NEDD4L: variants seen among roughly 807,000 people sequenced by gnomAD.
NEDD4L encodes E3 ubiquitin-protein ligase NEDD4-like.
In NEDD4L, 54 loss-of-function variants were observed where a neutral mutation model predicts 148.9. The ratio of observed to expected loss-of-function variants is 0.36; its 90% CI spans 0.29 to 0.45. NEDD4L has a LOEUF of 0.45. Among genes scored for constraint, NEDD4L ranks in the 20% least tolerant of loss-of-function variants. The probability of loss-of-function intolerance (pLI) is 1.00; values close to 1 mark genes in which losing one functional copy is unlikely to be tolerated. For missense variants in NEDD4L, 856 were observed against 1,233.8 expected (o/e 0.69, Z 4.59); for synonymous variants, 433 against 440.7 (o/e 0.98, Z 0.22).
At chr18:58,245,584 C>T (rs970451175) in intron 3 of NEDD4L, 76 bp downstream of exon 3, 12 of 728,844 alleles carry the variant, frequency 1.6e-5, no homozygotes, top group Middle Eastern at 2.5e-4. Context: ...TGCTGCTTAA[C>T]ACCTTTTTGG....
Position 58,141,492 on chromosome 18 carries a change from G to GT in NEDD4L, c.49-24288dup, listed in dbSNP as rs571537768. Among the ~76,000 whole-genome samples, 332 of 151,526 alleles carry GT rather than the reference G, an allele frequency of 2.2e-3. 1 individual carries two copies. Among genetic ancestry groups the GT allele is most frequent in the South Asian group, 8.4e-3 (40 of 4,772 alleles). On this transcript the variant is annotated intron_variant, in intron 1 of 30. Coordinates refer to ENST00000400345, the MANE Select transcript of NEDD4L (RefSeq NM_001144967.3). ...GAAAGACAATTTTTGGGTTTTTTTT[G>GT]TTTTTTTTAAAAAAACTTTATGTGT...
intron 5 of NEDD4L, among the ~76,000 whole-genome samples, chr18:58,294,563 T>C (rs1339000610): frequency 6.6e-6 from 1 of 152,262 alleles, no homozygotes; most frequent in African/African-American, 2.4e-5. Flanking sequence ...TGTTTTTCTG[T>C]GACATTCTCA....
intron 1 of NEDD4L, among the ~76,000 whole-genome samples, chr18:58,112,362 TTATTTATTTATTTA>T (rs1474383726): frequency 4.1e-4 from 3 of 7,298 alleles, no homozygotes; most frequent in Non-Finnish European, 8.1e-4. Context: ...CTATTTGTCT[TTATTTATTTATTTA>T]TTTATTTATT....
At chr18:58,259,640 C>T (rs2049081196) in intron 5 of NEDD4L, among the ~76,000 whole-genome samples, 1 of 152,178 alleles carries the variant, frequency 6.6e-6, no homozygotes, top group Non-Finnish European at 1.5e-5. Context: ...GTGTATATAA[C>T]ATTACACCCG....
chr18:58,131,976 C>T (rs1598998620), intron 1 of NEDD4L, among the ~76,000 whole-genome samples: 1 of 152,176 alleles, frequency 6.6e-6, no homozygotes, highest in Middle Eastern at 3.2e-3. Flanking sequence ...GATCAAACAT[C>T]CACTTTTTAC....
chr18:58,285,990 A>T (rs1412341432), intron 5 of NEDD4L, among the ~76,000 whole-genome samples: 1 of 152,212 alleles, frequency 6.6e-6, no homozygotes, highest in African/African-American at 2.4e-5. Flanking sequence ...AAGTAGCTAT[A>T]CACAATTGTC....
chr18:58,081,212 C>CTTTTTTT (rs34446805), intron 1 of NEDD4L, among the ~76,000 whole-genome samples: 2 of 120,832 alleles, frequency 1.7e-5, no homozygotes, highest in African/African-American at 3.9e-5. Flanking sequence ...GAACACCACC[C>CTTTTTTT]TTTTTTTTTT....
chr18:58,118,521 G>A (rs527964790), intron 1 of NEDD4L, among the ~76,000 whole-genome samples: 163 of 152,264 alleles, frequency 1.1e-3, no homozygotes, highest in South Asian at 3.5e-3. Context: ...AAAGAACTGC[G>A]CTGCTGCTTT....
chr18:58,081,640 C>T (rs1275497492), intron 1 of NEDD4L, among the ~76,000 whole-genome samples: 9 of 152,270 alleles, frequency 5.9e-5, no homozygotes, highest in Admixed American at 5.2e-4. Flanking sequence ...CACAGAATCT[C>T]GTATCTTTTC....
At chr18:58,198,630 A>G (rs906849033) in intron 2 of NEDD4L, among the ~76,000 whole-genome samples, 3 of 152,186 alleles carry the variant, frequency 2.0e-5, no homozygotes, top group African/African-American at 7.2e-5. Context: ...TTTGGCTGCT[A>G]GTTATAGAAT....
intron 10 of NEDD4L, 136 bp from the exon 11 acceptor site, chr18:58,330,602 G>C: frequency 1.8e-6 from 1 of 541,626 alleles, no homozygotes; most frequent in Non-Finnish European, 3.0e-6. Flanking sequence ...TGAAGGTTGT[G>C]TGCCTCATGA....
At chr18:58,325,530 G>A (rs1055501365) in intron 9 of NEDD4L, among the ~76,000 whole-genome samples, 10 of 152,090 alleles carry the variant, frequency 6.6e-5, no homozygotes, top group African/African-American at 1.9e-4. Flanking sequence ...GAACAGAACC[G>A]GCAAGCAAAT....
chr18:58,143,031 G>A (rs2033721340), intron 1 of NEDD4L, among the ~76,000 whole-genome samples: 1 of 152,184 alleles, frequency 6.6e-6, no homozygotes, highest in Non-Finnish European at 1.5e-5. Flanking sequence ...GAGCAGACAG[G>A]TGCCTGCTGC....
chr18:58,081,715 A>G (rs929918717), intron 1 of NEDD4L, among the ~76,000 whole-genome samples: 4 of 152,142 alleles, frequency 2.6e-5, no homozygotes, highest in East Asian at 1.9e-4. Context: ...TTCTGAACCT[A>G]TGTGGTACAG....
chr18:58,272,904 A>G (rs1246801490), intron 5 of NEDD4L, among the ~76,000 whole-genome samples: 2 of 152,186 alleles, frequency 1.3e-5, no homozygotes, highest in Non-Finnish European at 2.9e-5. Context: ...TCAAATACCT[A>G]CATATTTTCA....
At chr18:58,243,720 G>A (rs72949086) in intron 2 of NEDD4L, among the ~76,000 whole-genome samples, 1,732 of 152,258 alleles carry the variant, frequency 0.011, 34 homozygotes, top group South Asian at 0.08. Context: ...CTAAGGCTGA[G>A]GGTGTCCATA....
At chr18:58,081,389 A>G (rs1257220903) in intron 1 of NEDD4L, among the ~76,000 whole-genome samples, 3 of 151,434 alleles carry the variant, frequency 2.0e-5, no homozygotes, top group Non-Finnish European at 4.4e-5. Context: ...CTAATTTTTT[A>G]TATTTTTAGT....
intron 1 of NEDD4L, among the ~76,000 whole-genome samples, chr18:58,088,418 T>G (rs1353216565): frequency 6.6e-6 from 1 of 152,186 alleles, no homozygotes; most frequent in Admixed American, 6.5e-5. Context: ...TTGTAAAACT[T>G]GTGAGAATGG....
At chr18:58,340,053 C>T (rs759340148) in intron 13 of NEDD4L, among the ~76,000 whole-genome samples, 1 of 152,124 alleles carries the variant, frequency 6.6e-6, no homozygotes, top group African/African-American at 2.4e-5. Context: ...CCCTAGGAGC[C>T]GTGGTATAGC....
Sources: gnomAD v4.1 joint callset for allele counts (sites outside exome capture counted in the v4.1 genomes callset) on GRCh38, gnomAD v4.1.1 for gene constraint, MANE v1.5 for transcripts, NCBI Gene and HGNC (gene_info 2026-07-23, HGNC 2026-07-21) for gene names.